The following HHLA2 variants were observed in gnomAD, a reference collection of about 807,000 sequenced individuals.
The protein encoded by HHLA2 is HHLA2 member of B7 family.
HHLA2 carries 48 observed loss-of-function variants against 45.9 expected under a neutral mutation model. The ratio of observed to expected loss-of-function variants is 1.05; its 90% CI spans 0.83 to 1.33. The LOEUF is 1.33. HHLA2 is among the 40% of genes most tolerant of loss of function. The probability of loss-of-function intolerance (pLI) is 0.00; values close to 1 mark genes in which losing one functional copy is unlikely to be tolerated. For missense variants in HHLA2, 462 were observed against 494.3 expected (o/e 0.93, Z 0.62); for synonymous variants, 161 against 173.9 (o/e 0.93, Z 0.59).
chr3:108,351,739 C>T (rs1273080265), intron 3 of HHLA2, 49 bp from the exon 3 acceptor site: 2 of 1,174,334 alleles, frequency 1.7e-6, no homozygotes, highest in Non-Finnish European at 2.5e-6. Flanking sequence ...TTCCAATTCC[C>T]TTTTGCATTT....
intron 2 of HHLA2, among the ~76,000 whole-genome samples, chr3:108,314,543 G>A (rs1455181414): frequency 6.6e-6 from 1 of 152,070 alleles, no homozygotes; most frequent in East Asian, 1.9e-4. Context: ...GATACCTTGA[G>A]GCTGGGCCTG....
intron 1 of HHLA2, among the ~76,000 whole-genome samples, chr3:108,305,433 C>A (rs1331006135): frequency 6.6e-6 from 1 of 152,146 alleles, no homozygotes; most frequent in African/African-American, 2.4e-5. Flanking sequence ...CAAAGTCCTC[C>A]ACGGGAGGAA....
At chr3:108,375,687 T>G in intron 8 of HHLA2, 63 bp from the exon 8 acceptor site, 1 of 1,570,654 alleles carries the variant, frequency 6.4e-7, no homozygotes, top group Non-Finnish European at 8.7e-7. Context: ...CAAGGTGACC[T>G]TACAGGGAAA....
At chr3:108,370,462 A>T (rs2082150124) in intron 8 of HHLA2, among the ~76,000 whole-genome samples, 1 of 152,218 alleles carries the variant, frequency 6.6e-6, no homozygotes, top group Admixed American at 6.5e-5. Context: ...CAGCAACGGA[A>T]CAAAGCTGGA....
At chr3:108,317,710 G>A (rs993312289) in intron 2 of HHLA2, among the ~76,000 whole-genome samples, 1 of 151,728 alleles carries the variant, frequency 6.6e-6, no homozygotes, top group Non-Finnish European at 1.5e-5. Flanking sequence ...AAGTAGCTGG[G>A]ATCACAGGCA....
At chr3:108,349,986 C>A (rs2081747307) in intron 3 of HHLA2, among the ~76,000 whole-genome samples, 1 of 151,908 alleles carries the variant, frequency 6.6e-6, no homozygotes, top group South Asian at 2.1e-4. Context: ...TTAATTTTTG[C>A]TTGGAAAGAG....
exon 4 of HHLA2, chr3:108,351,832 C>T (rs1374575134): frequency 6.2e-7 from 1 of 1,612,896 alleles, no homozygotes; most frequent in African/African-American, 1.3e-5. Context: ...ACAGACAGCA[C>T]TGTCTTTCTT....
At chr3:108,349,942 G>A (rs922380152) in intron 3 of HHLA2, among the ~76,000 whole-genome samples, 1 of 152,172 alleles carries the variant, frequency 6.6e-6, no homozygotes, top group Non-Finnish European at 1.5e-5. Context: ...GACATGGAAT[G>A]TTTCAGGGTT....
chr3:108,377,312 G>A (rs2082292465), exon 11 of HHLA2: 1 of 1,541,162 alleles, frequency 6.5e-7, no homozygotes, highest in Admixed American at 1.7e-5. Context: ...CTCATGACCT[G>A]CATCCTTAAT....
chr3:108,347,345 A>G (rs898350885), intron 3 of HHLA2, among the ~76,000 whole-genome samples: 3 of 152,190 alleles, frequency 2.0e-5, no homozygotes, highest in Non-Finnish European at 4.4e-5. Flanking sequence ...CATGAATTAA[A>G]TAGTCCTCAG....
intron 4 of HHLA2, 44 bp from the exon 4 acceptor site, chr3:108,353,383 C>G: frequency 7.9e-7 from 1 of 1,271,310 alleles, no homozygotes; most frequent in Middle Eastern, 2.2e-4. Context: ...TGAACAAGCA[C>G]ATGGCATTAA....
At chr3:108,306,244 TC>T (rs11367803) in intron 1 of HHLA2, among the ~76,000 whole-genome samples, 1,644 of 152,308 alleles carry the variant, frequency 0.011, 31 homozygotes, top group African/African-American at 0.037. Context: ...CTCACTAGCA[TC>T]CCTTGAACAT....
chr3:108,300,386 G>A (rs544066047), intron 1 of HHLA2, among the ~76,000 whole-genome samples: 6 of 152,184 alleles, frequency 3.9e-5, no homozygotes, highest in Non-Finnish European at 1.5e-5. Context: ...ATGAGTCAAA[G>A]ATTCAGGTGC....
chr3:108,358,995 G>T (rs964782211), intron 7 of HHLA2, among the ~76,000 whole-genome samples: 1 of 152,126 alleles, frequency 6.6e-6, no homozygotes, highest in Non-Finnish European at 1.5e-5. Flanking sequence ...GAAGCTTCTG[G>T]ACATTGAGTA....
At chr3:108,325,576 G>A in intron 2 of HHLA2, 1 of 255,322 alleles carries the variant, frequency 3.9e-6, no homozygotes. Flanking sequence ...GCAAAGTATT[G>A]GCCTCCCCCA....
chr3:108,337,386 C>T lies in HHLA2; in HGVS notation c.-27+9039C>T, dbSNP rs142780325. ...AGTGGCCTTGTGAAATATATTGTAA[C>T]TCCCAGATGCAGCAGCTGTGGGTAA... On this transcript the variant is annotated intron_variant, in intron 3 of 10. Transcript: ENST00000619531. Among the ~76,000 whole-genome samples the T allele has an allele frequency of 2.8e-3, 431 of 152,278 alleles. 3 individuals are homozygous for T. Among genetic ancestry groups the T allele is most frequent in the African/African-American group, 9.6e-3 (397 of 41,564 alleles).
At chr3:108,316,885 G>A (rs2107329665) in intron 2 of HHLA2, among the ~76,000 whole-genome samples, 1 of 152,168 alleles carries the variant, frequency 6.6e-6, no homozygotes, top group Admixed American at 6.5e-5. Context: ...TGTGAACATT[G>A]GTCCACTAAG....
intron 8 of HHLA2, among the ~76,000 whole-genome samples, chr3:108,371,866 C>A (rs894901083): frequency 1.3e-5 from 2 of 152,136 alleles, no homozygotes; most frequent in African/African-American, 4.8e-5. Flanking sequence ...GACTCCCACA[C>A]AATAATAATG....
intron 1 of HHLA2, among the ~76,000 whole-genome samples, chr3:108,309,765 T>G (rs1276207144): frequency 6.6e-6 from 1 of 151,922 alleles, no homozygotes; most frequent in East Asian, 1.9e-4. Context: ...TCTGTCAGGG[T>G]TTTCCATTAT....
Sources: gnomAD v4.1 joint callset for allele counts (sites outside exome capture counted in the v4.1 genomes callset) on GRCh38, gnomAD v4.1.1 for gene constraint, MANE v1.5 for transcripts, NCBI Gene and HGNC (gene_info 2026-07-23, HGNC 2026-07-21) for gene names.